Variants in PPEF1 observed in about 807,000 individuals in gnomAD.
PPEF1 encodes protein phosphatase with EF-hand domain 1, also known as serine/threonine-protein phosphatase with EF-hands 1.
In PPEF1, 12 loss-of-function variants were observed where a neutral mutation model predicts 53.3. That is an observed-to-expected ratio of 0.23 (90% CI 0.14 to 0.36). The LOEUF is 0.36. PPEF1 is among the 10% of genes least tolerant of loss of function. The probability of loss-of-function intolerance (pLI) is 1.00; values close to 1 mark genes in which losing one functional copy is unlikely to be tolerated. For missense variants in PPEF1, 334 were observed against 490.4 expected (o/e 0.68, Z 3.01); for synonymous variants, 165 against 176.7 (o/e 0.93, Z 0.52).
At chrX:18,700,176 A>G (rs1293004821) in intron 5 of PPEF1, 1 of 108,513 alleles carries the variant, frequency 9.2e-6, no homozygotes, top group Non-Finnish European at 1.9e-5. Flanking sequence ...GCCCTGTTCT[A>G]GTTATTTCTT....
upstream of PPEF1, among the ~76,000 whole-genome samples, chrX:18,706,733 G>A (rs1216599605): frequency 3.7e-5 from 4 of 107,613 alleles, 1 homozygote; most frequent in East Asian, 5.9e-4. Context: ...GTAATAGAGC[G>A]AGACTCCGTC....
At chrX:18,679,499 TA>T (rs768715140), upstream of PPEF1, among the ~76,000 whole-genome samples, 98 of 111,918 alleles carry the variant, frequency 8.8e-4, no homozygotes, top group Non-Finnish European at 1.6e-3. Context: ...TAGCAAAGCT[TA>T]TTGGCACCAC....
At chrX:18,676,383 T>TA (rs1928678134) in intron 1 of PPEF1, among the ~76,000 whole-genome samples, 1 of 100,185 alleles carries the variant, frequency 1.0e-5, no homozygotes. Flanking sequence ...CGCCCAGAAG[T>TA]AGAGGCAGGC....
At chrX:18,731,622 G>A (rs2044839949) in intron 2 of PPEF1, among the ~76,000 whole-genome samples, 1 of 111,876 alleles carries the variant, frequency 8.9e-6, no homozygotes, top group African/African-American at 3.3e-5. Context: ...TAATTCACAT[G>A]CCATACAATT....
At chrX:18,779,261 G>C (rs1488032443) in intron 7 of PPEF1, 85 bp downstream of exon 7, 7 of 912,933 alleles carry the variant, frequency 7.7e-6, no homozygotes, top group Non-Finnish European at 9.0e-6. Flanking sequence ...AGAGATAGAA[G>C]TGAGTGTATT....
chrX:18,808,353 C>T (rs1309359784), intron 12 of PPEF1, among the ~76,000 whole-genome samples: 1 of 110,632 alleles, frequency 9.0e-6, no homozygotes, highest in Non-Finnish European at 1.9e-5. Context: ...TGAACATCAC[C>T]GCAAGTTAGT....
chrX:18,795,164 G>T (rs1368156826), intron 10 of PPEF1, among the ~76,000 whole-genome samples: 1 of 111,105 alleles, frequency 9.0e-6, no homozygotes, highest in Non-Finnish European at 1.9e-5. Context: ...ACAAAAATTA[G>T]CTGGGCGTGG....
chrX:18,761,796 T>A (rs1402422514), intron 6 of PPEF1, among the ~76,000 whole-genome samples: 2 of 110,514 alleles, frequency 1.8e-5, no homozygotes, highest in East Asian at 5.6e-4. Flanking sequence ...CATTCTACAT[T>A]ATTGTTGTCT....
chrX:18,821,786 AG>A (rs56287336), intron 13 of PPEF1, among the ~76,000 whole-genome samples: 41,582 of 103,147 alleles, frequency 0.4, 6,704 homozygotes, highest in Non-Finnish European at 0.48. Flanking sequence ...AGAGAGAGAG[AG>A]AGAGAGAGAG....
At chrX:18,707,209 G>A (rs1425424258), upstream of PPEF1, among the ~76,000 whole-genome samples, 1 of 111,680 alleles carries the variant, frequency 9.0e-6, no homozygotes, top group Non-Finnish European at 1.9e-5. Context: ...CAGCATAGCT[G>A]TTAAATATGT....
intron 12 of PPEF1, among the ~76,000 whole-genome samples, chrX:18,808,947 T>C (rs964456857): frequency 3.6e-5 from 4 of 111,447 alleles, no homozygotes; most frequent in Admixed American, 1.9e-4. Context: ...TGAAGAGATA[T>C]TTGCATTCCC....
chrX:18,786,133 T>C (rs1347676291), intron 9 of PPEF1, among the ~76,000 whole-genome samples: 2 of 112,310 alleles, frequency 1.8e-5, no homozygotes, highest in Non-Finnish European at 3.8e-5. Flanking sequence ...ACTACAGTGC[T>C]AATCAGTCAT....
At chrX:18,680,429 CTTT>C (rs769412688), upstream of PPEF1, among the ~76,000 whole-genome samples, 3 of 78,697 alleles carry the variant, frequency 3.8e-5, no homozygotes, top group Admixed American at 1.9e-4. Context: ...AATTTCTTCT[CTTT>C]TTTTTTTTTT....
chrX:18,826,287 A>G (rs1156683524), intron 15 of PPEF1, among the ~76,000 whole-genome samples: 2 of 110,904 alleles, frequency 1.8e-5, no homozygotes, highest in Non-Finnish European at 3.8e-5. Flanking sequence ...AACTTTTTAT[A>G]AATCACCAGC....
chrX:18,724,667 C>T (rs754073701), intron 1 of PPEF1, among the ~76,000 whole-genome samples: 5 of 111,129 alleles, frequency 4.5e-5, no homozygotes, highest in Admixed American at 1.9e-4. Flanking sequence ...TCAATGTGAC[C>T]GGGAAGAGAA....
chrX:18,798,205 T>G (rs2046471951), intron 10 of PPEF1, among the ~76,000 whole-genome samples: 1 of 110,961 alleles, frequency 9.0e-6, no homozygotes, highest in African/African-American at 3.3e-5. Context: ...CCTCATTTTT[T>G]TATTTTTTAT....
intron 10 of PPEF1, among the ~76,000 whole-genome samples, chrX:18,800,920 A>G (rs1269380818): frequency 9.0e-6 from 1 of 111,518 alleles, no homozygotes; most frequent in African/African-American, 3.3e-5. Flanking sequence ...TTTGCATCCC[A>G]TGTAGAAATT....
intron 14 of PPEF1, among the ~76,000 whole-genome samples, chrX:18,824,872 C>T (rs2047137361): frequency 9.0e-6 from 1 of 110,896 alleles, no homozygotes; most frequent in African/African-American, 3.3e-5. Flanking sequence ...CCATGTTGAC[C>T]AGGCTGGTCT....
intron 5 of PPEF1, 75 bp from the exon 6 acceptor site, chrX:18,761,454 CA>C (rs1555972047): frequency 1.9e-5 from 17 of 876,405 alleles, no homozygotes; most frequent in Non-Finnish European, 2.9e-5. Flanking sequence ...TGGAGTGGAT[CA>C]GCAGTATTTC....
Sources: allele counts gnomAD v4.1 joint callset (sites outside exome capture counted in the v4.1 genomes callset), GRCh38; gene constraint gnomAD v4.1.1; transcripts MANE v1.5; gene names NCBI Gene and HGNC (gene_info 2026-07-23, HGNC 2026-07-21).